ATP6V0A2: variants seen among roughly 807,000 people sequenced by gnomAD.
The protein encoded by ATP6V0A2 is ATPase H+ transporting V0 subunit a2, also known as V-type proton ATPase 116 kDa subunit a 2.
ATP6V0A2 carries 58 observed loss-of-function variants against 104.4 expected under a neutral mutation model. The observed-to-expected ratio is 0.56, with a 90% CI of 0.45 to 0.69. ATP6V0A2 has a LOEUF of 0.69. ATP6V0A2 is among the 30% of genes least tolerant of loss of function. The probability of loss-of-function intolerance (pLI) is 0.00; values close to 1 mark genes in which losing one functional copy is unlikely to be tolerated. For synonymous variants in ATP6V0A2, 376 were observed against 397.9 expected (o/e 0.95, Z 0.65); for missense variants, 938 against 1,062.9 (o/e 0.88, Z 1.63).
chr12:123,719,389 GT>G (rs111694566), intron 2 of ATP6V0A2, among the ~76,000 whole-genome samples: 8,014 of 139,512 alleles, frequency 0.057, 607 homozygotes, highest in African/African-American at 0.18. Context: ...GACAAAGCTT[GT>G]TTTTTTTTTT....
At chr12:123,733,846 C>T (rs577880325) in intron 6 of ATP6V0A2, 80 bp from the exon 7 acceptor site, 44 of 972,126 alleles carry the variant, frequency 4.5e-5, no homozygotes, top group Middle Eastern at 2.1e-4. Context: ...TGAATGAACG[C>T]TTTGACAGTG....
At chr12:123,717,403 A>T (rs1047927513) in intron 1 of ATP6V0A2, among the ~76,000 whole-genome samples, 1 of 146,952 alleles carries the variant, frequency 6.8e-6, no homozygotes, top group Admixed American at 6.8e-5. Context: ...GTAGCATTCC[A>T]TTGTGTGGAT....
intron 9 of ATP6V0A2, among the ~76,000 whole-genome samples, chr12:123,742,535 C>G (rs186438410): frequency 6.6e-6 from 1 of 152,146 alleles, no homozygotes; most frequent in African/African-American, 2.4e-5. Context: ...TACATGCATA[C>G]GTTTTAAGAG....
chr12:123,733,468 C>T (rs549266756), intron 6 of ATP6V0A2: 59 of 178,304 alleles, frequency 3.3e-4, no homozygotes, highest in Non-Finnish European at 5.7e-4. Flanking sequence ...CCCTAACACA[C>T]GCCACATCTC....
At chr12:123,718,089 TA>T (rs1349812161) in intron 1 of ATP6V0A2, among the ~76,000 whole-genome samples, 1 of 94,954 alleles carries the variant, frequency 1.1e-5, no homozygotes, top group Non-Finnish European at 2.1e-5. Flanking sequence ...CATGCCTGGC[TA>T]ATTTTTTTTT....
chr12:123,752,026 T>G (rs1387139104), intron 16 of ATP6V0A2, among the ~76,000 whole-genome samples: 2 of 151,960 alleles, frequency 1.3e-5, no homozygotes, highest in Admixed American at 1.3e-4. Flanking sequence ...GCCCTGCTAA[T>G]TTTTGTATTT....
chr12:123,757,389 C>T (rs543398408), intron 19 of ATP6V0A2, among the ~76,000 whole-genome samples: 6 of 151,524 alleles, frequency 4.0e-5, no homozygotes, highest in East Asian at 1.9e-4. Flanking sequence ...TGCAGTGAGC[C>T]GAGATCATGC....
rs573668665 is a variant in ATP6V0A2, at chr12:123,718,693, G to A, written c.188G>A (p.Arg63Gln). The A allele has an allele frequency of 3.4e-5, 54 of 1,608,904 alleles. No homozygotes were observed. The South Asian group carries it at 4.4e-4, about 13-fold the overall frequency. The stretch of plus-strand genomic sequence containing the variant: ...GTGAAGAGGTGTGAAGAGCTAGAGC[G>A]AATATTGGGTAAGTTTATTTTCTGA... ...GEVKRCEELE[R>Q]ILVYLVQEIN... The change falls in exon 2 of 20, where the codon CGA becomes CAA. Residue 63 changes from arginine (R) to glutamine (Q), a missense_variant. Arg to Gln is a conservative substitution (Grantham distance 43). Coordinates refer to ENST00000330342, the MANE Select transcript of ATP6V0A2 (RefSeq NM_012463.4).
chr12:123,734,330 G>T (rs1956530558), intron 7 of ATP6V0A2, among the ~76,000 whole-genome samples: 1 of 152,136 alleles, frequency 6.6e-6, no homozygotes, highest in African/African-American at 2.4e-5. Context: ...CTACCAGTCG[G>T]GCTTACCTGT....
intron 2 of ATP6V0A2, 99 bp downstream of exon 2, chr12:123,718,800 GA>G: frequency 1.3e-6 from 1 of 799,474 alleles, no homozygotes; most frequent in Non-Finnish European, 2.0e-6. Flanking sequence ...AAGCAGAAAG[GA>G]AAAAAAGAAA....
chr12:123,745,700 T>C (rs1280982060), intron 13 of ATP6V0A2, among the ~76,000 whole-genome samples: 1 of 120,918 alleles, frequency 8.3e-6, no homozygotes, highest in Non-Finnish European at 1.7e-5. Flanking sequence ...AGCGAGAGAC[T>C]CTGTCTCAAA....
rs1475146278 is a variant in ATP6V0A2, at chr12:123,727,233, T to TACGGG, written c.522-550_522-549insACGGG. On this transcript the variant is annotated intron_variant, in intron 5 of 19. Transcript: ENST00000330342. The stretch of plus-strand genomic sequence containing the variant: ...CAAGTTCTTAAGATACGGGGTTCAG[T>TACGGG]GTAATAATCAGGACAGCTGTGAGGT... Among the ~76,000 whole-genome samples, 16 of 152,206 alleles carry TACGGG rather than the reference T, an allele frequency of 1.1e-4. No individual in the cohort carries two copies. The South Asian group carries it at 3.1e-3, about 30-fold the overall frequency.
At chr12:123,717,645 T>C (rs1048577017) in intron 1 of ATP6V0A2, among the ~76,000 whole-genome samples, 1 of 151,902 alleles carries the variant, frequency 6.6e-6, no homozygotes, top group African/African-American at 2.4e-5. Context: ...TGTCTTACCA[T>C]GTTGCCCAGG....
rs762475349 is a variant in ATP6V0A2, at chr12:123,724,806, G to A, written c.432+15G>A. ...GCAATGTTGAGGTACTGAACAGCTC[G>A]TGAGGAAATACAGCTGTTTTTATAA... On this transcript the variant is annotated intron_variant, in intron 4 of 19. Coordinates refer to ENST00000330342, the MANE Select transcript of ATP6V0A2 (RefSeq NM_012463.4). 8.7e-6 allele frequency: 14 copies of A among 1,611,230 alleles called. No individual in the cohort carries two copies. The highest frequency in any genetic ancestry group is 1.7e-4 in the Middle Eastern group (1 of 6,054).
chr12:123,756,112 T>C (rs564029981), intron 18 of ATP6V0A2, among the ~76,000 whole-genome samples: 131 of 147,766 alleles, frequency 8.9e-4, no homozygotes, highest in Non-Finnish European at 1.6e-3. Context: ...GAAAAACAAC[T>C]CTCTTATTGT....
At position 123,744,348 on chromosome 12, in the gene ATP6V0A2, A is replaced by G; in HGVS notation, c.1326+11A>G. On this transcript the variant is annotated intron_variant, in intron 11 of 19. Coordinates refer to ENST00000330342, the MANE Select transcript of ATP6V0A2 (RefSeq NM_012463.4). The surrounding 1 kb of genome is among the most constrained non-coding windows in gnomAD (Gnocchi z 5.4). ...AATCAGTCACAAGAGGTAAAAATATAAACACTCCAGCTCATATATCTGGTT... is the reference window on the plus strand; with the variant it reads ...AATCAGTCACAAGAGGTAAAAATATGAACACTCCAGCTCATATATCTGGTT... The G allele has an allele frequency of 6.2e-7, 1 of 1,614,210 alleles. No homozygotes were observed. The highest frequency in any genetic ancestry group is 8.5e-7 in the Non-Finnish European group (1 of 1,180,022).
rs747210661 is a variant in ATP6V0A2 at position 123,752,334 on chromosome 12, G to A, written c.2107G>A (p.Gly703Arg). ...KDSEEEVSLL[G>R]SQDIEEGNHQ... ...TAGTGAGGAAGAAGTTTCATTGCTG[G>A]GAAGCCAAGATATAGAAGAGGGAAA... The change falls in exon 17 of 20, where the codon GGA becomes AGA. Residue 703 changes from glycine (G) to arginine (R), a missense_variant. By Grantham distance (125) the Gly-to-Arg change is moderately radical. Transcript: ENST00000330342. 6.2e-7 allele frequency: 1 copy of A among 1,614,024 alleles called. No homozygotes were observed. Among genetic ancestry groups the A allele is most frequent in the African/African-American group, 1.3e-5 (1 of 74,914 alleles).
At chr12:123,722,560 T>C (rs1443435620) in intron 3 of ATP6V0A2, 112 bp downstream of exon 3, 2 of 733,570 alleles carry the variant, frequency 2.7e-6, no homozygotes, top group East Asian at 2.6e-5. Flanking sequence ...CTATGGAAGA[T>C]GGTGATCTCT....
chr12:123,747,660 A>C lies in ATP6V0A2; in HGVS notation c.1659A>C (p.Lys553Asn). Residue 553 changes from lysine (K) to asparagine (N), a missense_variant, in exon 14 of 20, where the codon AAA becomes AAC. Coordinates refer to ENST00000330342, the MANE Select transcript of ATP6V0A2 (RefSeq NM_012463.4). Reference protein sequence around the residue: ...RLTFLNSFKMKMSVILGIIHM... With the variant: ...RLTFLNSFKMNMSVILGIIHM... ...CTTTTCTAAACTCTTTCAAAATGAA[A>C]ATGTCCGTGATTTTAGGAATCATTC... 6.2e-7 allele frequency: 1 copy of C among 1,613,994 alleles called. No homozygotes were observed. The highest frequency in any genetic ancestry group is 8.5e-7 in the Non-Finnish European group (1 of 1,179,834).
Sources: allele counts gnomAD v4.1 joint callset (sites outside exome capture counted in the v4.1 genomes callset), GRCh38; gene constraint gnomAD v4.1.1; non-coding constraint Gnocchi (gnomAD v3.1); transcripts MANE v1.5; gene names NCBI Gene and HGNC (gene_info 2026-07-23, HGNC 2026-07-21).